TRRAP: variants seen among roughly 807,000 people sequenced by gnomAD.
TRRAP encodes transformation/transcription domain associated protein, also known as transformation/transcription domain-associated protein.
Under a neutral mutation model 438.8 loss-of-function variants are expected in TRRAP, and 41 were observed. The observed-to-expected ratio is 0.09, with a 90% CI of 0.07 to 0.12. TRRAP has a LOEUF of 0.12. TRRAP is among the 10% of genes least tolerant of loss of function. The probability of loss-of-function intolerance (pLI) is 1.00; values close to 1 mark genes in which losing one functional copy is unlikely to be tolerated. For missense variants in TRRAP, 3,122 were observed against 5,055.1 expected (o/e 0.62, Z 11.60); for synonymous variants, 1,994 against 1,962.9 (o/e 1.02, Z -0.42).
At chr7:98,969,544 C>G (rs1051254072) in intron 51 of TRRAP, among the ~76,000 whole-genome samples, 1 of 152,222 alleles carries the variant, frequency 6.6e-6, no homozygotes, top group Non-Finnish European at 1.5e-5. Context: ...CCCATGGCAC[C>G]CAGTGGGTGC....
In TRRAP at chr7:98,954,976, G is replaced by A; in HGVS notation, c.5731-122G>A. The A allele has an allele frequency of 5.2e-6, 5 of 956,968 alleles. No individual in the cohort carries two copies. The South Asian group carries it at 5.2e-5, about 10-fold the overall frequency. The allele number at this position is 956,968 out of a possible 1,614,324, so 59.3% of individuals were successfully genotyped here. The stretch of plus-strand genomic sequence containing the variant: ...AACTAAGTTGTTTCCTAATAAGAAA[G>A]TCCTAAGAAGTTTTTAAAAAATTGT... On this transcript the variant is annotated intron_variant, in intron 40 of 72. Transcript: ENST00000456197.
chr7:98,912,154 T>G lies in TRRAP; in HGVS notation c.2140T>G (p.Phe714Val). ...GCTCTCCAACCTGTACCTCAAGCTG[T>G]TCAAGCTGGTCTTTGGCTCTGTCTC... ...VELSNLYLKL[F>V]KLVFGSVSLF... is the part of the protein sequence containing the mutation. The change falls in exon 18 of 73, where the codon TTC becomes GTC. Residue 714 changes from phenylalanine to valine, a missense_variant. Physicochemically the swap from Phe to Val is conservative, Grantham distance 50 (BLOSUM62 -1). This residue lies in a region of TRRAP where 149 missense variants were observed against 302.8 expected (regional missense o/e 0.49). Transcript: ENST00000456197. 1 of 1,614,186 alleles carries G rather than the reference T, an allele frequency of 6.2e-7. No individual in the cohort carries two copies. Among genetic ancestry groups the G allele is most frequent in the Non-Finnish European group, 8.5e-7 (1 of 1,180,026 alleles).
At chr7:98,972,667 A>G (rs1023865286) in intron 53 of TRRAP, among the ~76,000 whole-genome samples, 6 of 152,202 alleles carry the variant, frequency 3.9e-5, no homozygotes, top group Non-Finnish European at 8.8e-5. Context: ...TCCGTGTACC[A>G]GGTTGCTTTT....
chr7:98,925,360 C>G, intron 22 of TRRAP, 97 bp downstream of exon 22: 2 of 1,503,088 alleles, frequency 1.3e-6, no homozygotes, highest in Non-Finnish European at 1.8e-6. Context: ...TAGGAGCAGG[C>G]TCCTTGAAGT....
rs915613857 is a variant in TRRAP at position 98,976,335 on chromosome 7, A to G, written c.7959+67A>G. ...TTAGCTTTTGGTAAGTATTCATAAA[A>G]GAACACAGTCTCGAACAAGTTTCAG... On this transcript the variant is annotated intron_variant, in intron 54 of 72. Transcript: ENST00000456197. The surrounding 1 kb of genome is among the most constrained non-coding windows in gnomAD (Gnocchi z 4.6). 246 of 1,597,858 alleles carry G rather than the reference A, an allele frequency of 1.5e-4. No individual in the cohort carries two copies. The highest frequency in any genetic ancestry group is 2.0e-4 in the Non-Finnish European group (236 of 1,172,476).
chr7:98,971,668 A>G (rs1441719319), intron 52 of TRRAP, 131 bp from the exon 53 acceptor site: 54 of 1,068,022 alleles, frequency 5.1e-5, no homozygotes, highest in Non-Finnish European at 6.4e-5. Flanking sequence ...GATTATTTAA[A>G]TACTTACACA....
chr7:98,886,517 T>G (rs534608805), intron 3 of TRRAP, among the ~76,000 whole-genome samples: 60 of 152,000 alleles, frequency 3.9e-4, no homozygotes, highest in Non-Finnish European at 5.6e-4. Context: ...TCTAGAGAGA[T>G]ATAGATATCT....
At position 98,967,518 on chromosome 7, in the gene TRRAP, G is replaced by A. The variant is rs543446866; in HGVS notation, c.7332G>A (p.Ala2444=). ...CCCTCTCTGGCAGCGAGCTGACGGC[G>A]AAACTTGAGCCTGCCTTTCTCTCTG... ...DETLSGSELT[A]KLEPAFLSGL... Residue 2444 remains alanine, a synonymous_variant, in exon 51 of 73, where the codon GCG becomes GCA. Transcript: ENST00000456197. 3.7e-6 allele frequency: 6 copies of A among 1,614,024 alleles called. No homozygotes were observed. Among genetic ancestry groups the A allele is most frequent in the South Asian group, 2.2e-5 (2 of 91,072 alleles).
At chr7:98,983,932 G>A (rs1194751794) in intron 60 of TRRAP, among the ~76,000 whole-genome samples, 161 bp from the exon 61 acceptor site, 1 of 152,170 alleles carries the variant, frequency 6.6e-6, no homozygotes, top group Non-Finnish European at 1.5e-5. Flanking sequence ...CCTTTTAAAA[G>A]TTGCTTATGG....
At chr7:98,885,429 G>A (rs4729501) in intron 3 of TRRAP, among the ~76,000 whole-genome samples, 137,776 of 152,112 alleles carry the variant, frequency 0.91, 62,462 homozygotes, top group South Asian at 0.94. Context: ...AGAACAATAG[G>A]GAAAATATTC....
intron 38 of TRRAP, 63 bp from the exon 39 acceptor site, chr7:98,950,813 C>G (rs1017956841): frequency 3.4e-6 from 5 of 1,458,494 alleles, no homozygotes; most frequent in Non-Finnish European, 3.6e-6. Flanking sequence ...CTGTTCTTCC[C>G]GTCTTAAGAA....
At position 98,970,304 on chromosome 7, in the gene TRRAP, A is replaced by C; in HGVS notation, c.7692+13A>C. 6.2e-7 allele frequency: 1 copy of C among 1,609,042 alleles called. No homozygotes were observed. Among genetic ancestry groups the C allele is most frequent in the Non-Finnish European group, 8.5e-7 (1 of 1,179,422 alleles). Reference sequence around the variant, plus strand: ...GTCCAAAGAGGAGGTGAGGCCCTGCACCCCACAGGCAGAATCCCAGAGAGG... The same window carrying C: ...GTCCAAAGAGGAGGTGAGGCCCTGCCCCCCACAGGCAGAATCCCAGAGAGG... On this transcript the variant is annotated intron_variant, in intron 52 of 72. Transcript: ENST00000456197.
intron 31 of TRRAP, among the ~76,000 whole-genome samples, chr7:98,943,422 G>T (rs1348749047): frequency 6.6e-6 from 1 of 152,180 alleles, no homozygotes; most frequent in African/African-American, 2.4e-5. Context: ...GTCGGTAAAT[G>T]TGTTTAATCA....
At chr7:98,879,808 G>C in intron 1 of TRRAP, among the ~76,000 whole-genome samples, 1 of 152,172 alleles carries the variant, frequency 6.6e-6, no homozygotes, top group Non-Finnish European at 1.5e-5. Flanking sequence ...GTCTAGGAGA[G>C]AGTGGCCGGA....
In TRRAP at chr7:98,965,988, A is replaced by AT; in HGVS notation, c.7176+100dup. The AT allele has an allele frequency of 5.6e-6, 8 of 1,433,324 alleles. No individual in the cohort carries two copies. The South Asian group carries it at 7.6e-5, about 14-fold the overall frequency. 88.8% of individuals were successfully genotyped at this position (1,433,324 alleles called of 1,614,324 possible). A position where few individuals can be genotyped will look rare whatever the true frequency, so the allele number is the denominator to read the frequency against. ...GTCTTTCTGAAACTTGAAGCAAAAC[A>AT]TTTTTTTCTGCTGTAATTGCACTCA... On this transcript the variant is annotated intron_variant, in intron 49 of 72. Transcript: ENST00000456197.
At chr7:98,880,328 A>G (rs1325146048) in intron 1 of TRRAP, among the ~76,000 whole-genome samples, 1 of 146,272 alleles carries the variant, frequency 6.8e-6, no homozygotes, top group Non-Finnish European at 1.5e-5. Context: ...CAGTGGCACA[A>G]TCTTGGCTCA....
chr7:98,923,639 G>T (rs1351205069), intron 21 of TRRAP, among the ~76,000 whole-genome samples: 1 of 152,168 alleles, frequency 6.6e-6, no homozygotes, highest in Non-Finnish European at 1.5e-5. Flanking sequence ...ATGCAGTTCC[G>T]CAATACCCTC....
chr7:98,904,341 G>A (rs1442329768), intron 12 of TRRAP, among the ~76,000 whole-genome samples: 3 of 151,916 alleles, frequency 2.0e-5, no homozygotes, highest in African/African-American at 7.3e-5. Flanking sequence ...AAATTAGCCA[G>A]GCGTGGTGGC....
intron 47 of TRRAP, among the ~76,000 whole-genome samples, chr7:98,963,609 C>T (rs1020285159): frequency 1.3e-5 from 2 of 152,150 alleles, no homozygotes; most frequent in African/African-American, 4.8e-5. Context: ...CACTCGGGAA[C>T]CACAGAGTAC....
Sources: allele counts gnomAD v4.1 joint callset (sites outside exome capture counted in the v4.1 genomes callset), GRCh38; gene constraint gnomAD v4.1.1; regional missense constraint gnomAD v4.1.1; non-coding constraint Gnocchi (gnomAD v3.1); transcripts MANE v1.5; gene names NCBI Gene and HGNC (gene_info 2026-07-23, HGNC 2026-07-21).